Variants in FMN1 observed in about 807,000 individuals in gnomAD.
The protein encoded by FMN1 is formin-1.
FMN1 carries 110 observed loss-of-function variants against 132.4 expected under a neutral mutation model. The observed-to-expected ratio is 0.83, with a 90% CI of 0.71 to 0.97. The LOEUF (loss-of-function observed/expected upper bound fraction) is 0.97. Ranked by LOEUF, FMN1 falls within the 50% of genes least tolerant of loss-of-function variation. The pLI is 0.00. For missense variants in FMN1, 1,792 were observed against 1,705.3 expected (o/e 1.05, Z -0.90); for synonymous variants, 722 against 651.7 (o/e 1.11, Z -1.64).
chr15:33,103,958 A>G (rs2039388469), intron 4 of FMN1, among the ~76,000 whole-genome samples: 2 of 152,092 alleles, frequency 1.3e-5, no homozygotes, highest in African/African-American at 4.8e-5. Flanking sequence ...GCTCCAATTT[A>G]AAATGCAAGT....
At position 32,775,599 on chromosome 15, in the gene FMN1, C is replaced by T. The variant is rs78101065; in HGVS notation, c.4215+1236G>A. ...TGAATGTCATAAATATACCATCAAA[C>T]GGGTACAAAGGACATGTCCGGTTAG... On this transcript the variant is annotated intron_variant, in intron 20 of 20. Coordinates refer to ENST00000616417, the MANE Select transcript of FMN1 (RefSeq NM_001277313.2). 7.7e-3 allele frequency among the ~76,000 whole-genome samples: 1,175 copies of T among 152,244 alleles called. 17 individuals are homozygous for T. Among genetic ancestry groups the T allele is most frequent in the African/African-American group, 0.027 (1,117 of 41,526 alleles).
chr15:33,084,540 T>C (rs1185589901), intron 5 of FMN1, among the ~76,000 whole-genome samples: 1 of 152,116 alleles, frequency 6.6e-6, no homozygotes, highest in Non-Finnish European at 1.5e-5. Flanking sequence ...ATCTAGTTGG[T>C]GTCTACAGGC....
At chr15:33,022,695 G>A (rs948176587) in intron 6 of FMN1, among the ~76,000 whole-genome samples, 1 of 152,246 alleles carries the variant, frequency 6.6e-6, no homozygotes, top group African/African-American at 2.4e-5. Flanking sequence ...CTGGCCTGCT[G>A]TGCCCCAGTT....
intron 9 of FMN1, among the ~76,000 whole-genome samples, chr15:32,927,289 C>T (rs1004292689): frequency 2.0e-5 from 3 of 152,132 alleles, no homozygotes; most frequent in Non-Finnish European, 4.4e-5. Context: ...TAGTATCCAG[C>T]GCCGTCACAC....
intron 10 of FMN1, among the ~76,000 whole-genome samples, chr15:32,924,373 A>C (rs904260372): frequency 3.9e-5 from 6 of 152,220 alleles, no homozygotes; most frequent in Non-Finnish European, 8.8e-5. Context: ...ATGTAGCGAA[A>C]TTTTAAGTCC....
chr15:32,799,552 A>G (rs1325980039), intron 18 of FMN1, among the ~76,000 whole-genome samples: 1 of 152,214 alleles, frequency 6.6e-6, no homozygotes, highest in Non-Finnish European at 1.5e-5. Context: ...AATATGATAC[A>G]AGAATACAAA....
At chr15:33,000,495 G>C (rs1229524978) in intron 7 of FMN1, among the ~76,000 whole-genome samples, 1 of 150,080 alleles carries the variant, frequency 6.7e-6, no homozygotes, top group Non-Finnish European at 1.5e-5. Context: ...AGGAATTTAG[G>C]GCTGAGCATA....
intron 6 of FMN1, among the ~76,000 whole-genome samples, chr15:33,039,270 A>G (rs948499056): frequency 6.6e-6 from 1 of 152,184 alleles, no homozygotes; most frequent in Non-Finnish European, 1.5e-5. Context: ...AAAGGAACAG[A>G]GATAATTATT....
chr15:32,998,915 A>G (rs966096473), intron 7 of FMN1, among the ~76,000 whole-genome samples: 4 of 152,318 alleles, frequency 2.6e-5, no homozygotes, highest in African/African-American at 7.2e-5. Flanking sequence ...GAAGGCTGAG[A>G]CAAAGGGCTC....
chr15:32,795,038 T>C (rs56880647), intron 19 of FMN1, among the ~76,000 whole-genome samples: 4 of 151,642 alleles, frequency 2.6e-5, no homozygotes, highest in Admixed American at 2.0e-4. Flanking sequence ...TCTACAAAAA[T>C]AAAAAAATAA....
At position 32,774,003 on chromosome 15, in the gene FMN1, TAAAAA is replaced by T; in HGVS notation, c.*302_*306del. ...TTATAAAGCTGGAAATCTCAGCTTT[TAAAAA>T]AATTTTGGAAACATTTTGGTATTTC... On this transcript the variant is annotated 3_prime_UTR_variant, in exon 21 of 21. Transcript: ENST00000616417. The T allele has an allele frequency of 2.6e-6, 1 of 377,544 alleles. No individual in the cohort carries two copies. The highest frequency in any genetic ancestry group is 4.9e-5 in the Admixed American group (1 of 20,248). 23.4% of individuals were successfully genotyped at this position (377,544 alleles called of 1,614,324 possible).
chr15:33,050,226 T>C (rs1039221791), intron 6 of FMN1, among the ~76,000 whole-genome samples: 2 of 152,164 alleles, frequency 1.3e-5, no homozygotes, highest in African/African-American at 2.4e-5. Context: ...CATAACCCTA[T>C]TGTAAGTCAA....
intron 4 of FMN1, among the ~76,000 whole-genome samples, chr15:33,115,403 ATG>A (rs2039880057): frequency 6.6e-6 from 1 of 152,100 alleles, no homozygotes; most frequent in Non-Finnish European, 1.5e-5. Flanking sequence ...ACGGACTGGT[ATG>A]TGGGTTGCTT....
intron 17 of FMN1, among the ~76,000 whole-genome samples, chr15:32,827,419 G>A (rs1334638784): frequency 6.6e-6 from 1 of 152,124 alleles, no homozygotes; most frequent in Non-Finnish European, 1.5e-5. Flanking sequence ...GAATGATCAA[G>A]GAATCTTGTC....
chr15:32,804,369 CTGT>C, intron 17 of FMN1, 37 bp from the exon 18 acceptor site: 4 of 1,293,008 alleles, frequency 3.1e-6, no homozygotes, highest in Non-Finnish European at 4.2e-6. Context: ...ATTTTTTCTT[CTGT>C]TGTCTCCTTT....
At chr15:32,918,539 T>C (rs931742740) in intron 10 of FMN1, among the ~76,000 whole-genome samples, 3 of 152,140 alleles carry the variant, frequency 2.0e-5, no homozygotes, top group Non-Finnish European at 4.4e-5. Flanking sequence ...AAAATCCAAA[T>C]TGTCTCCTAA....
intron 17 of FMN1, among the ~76,000 whole-genome samples, chr15:32,844,776 A>T (rs2058820836): frequency 6.6e-6 from 1 of 152,246 alleles, no homozygotes. Flanking sequence ...TTGGGTAAGT[A>T]AAATTTCTGT....
intron 7 of FMN1, 110 bp downstream of exon 7, chr15:33,007,904 C>A (rs189773253): frequency 2.4e-6 from 2 of 845,708 alleles, no homozygotes; most frequent in East Asian, 2.7e-5. Flanking sequence ...CTGCAAGATG[C>A]GATGCTGTCT....
Position 32,773,942 on chromosome 15 carries a change from C to T in FMN1, c.*368G>A. The stretch of plus-strand genomic sequence containing the variant: ...GCAACTGTCCTCAATGATCTTTTCT[C>T]TCTTCTGTGACAATGTGACATATAT... On this transcript the variant is annotated 3_prime_UTR_variant, in exon 21 of 21. Transcript: ENST00000616417. The T allele has an allele frequency of 4.0e-6, 1 of 249,424 alleles. No homozygotes were observed. The highest frequency in any genetic ancestry group is 7.5e-6 in the Non-Finnish European group (1 of 132,494). 15.5% of individuals were successfully genotyped at this position (249,424 alleles called of 1,614,324 possible).
Sources: allele counts gnomAD v4.1 joint callset (sites outside exome capture counted in the v4.1 genomes callset), GRCh38; gene constraint gnomAD v4.1.1; transcripts MANE v1.5; gene names NCBI Gene and HGNC (gene_info 2026-07-23, HGNC 2026-07-21).